Variants in IL1RAPL2 observed in about 807,000 individuals in gnomAD.
IL1RAPL2 encodes interleukin 1 receptor accessory protein like 2, also known as X-linked interleukin-1 receptor accessory protein-like 2.
A neutral mutation model predicts 44.1 loss-of-function variants in IL1RAPL2; 3 were observed. The observed-to-expected ratio is 0.07, with a 90% CI of 0.03 to 0.18. The LOEUF is 0.18. Among genes scored for constraint, IL1RAPL2 ranks in the 10% least tolerant of loss-of-function variants. The pLI is 1.00. For synonymous variants in IL1RAPL2, 181 were observed against 178.8 expected (o/e 1.01, Z -0.10); for missense variants, 391 against 496.4 (o/e 0.79, Z 2.02).
At chrX:105,158,713 C>T (rs1447014612) in intron 2 of IL1RAPL2, among the ~76,000 whole-genome samples, 1 of 111,611 alleles carries the variant, frequency 9.0e-6, no homozygotes, top group Non-Finnish European at 1.9e-5. Context: ...TAATAAAATA[C>T]GTAAAGTAGA....
At chrX:105,372,616 T>A (rs1437224173) in intron 5 of IL1RAPL2, among the ~76,000 whole-genome samples, 1 of 110,845 alleles carries the variant, frequency 9.0e-6, no homozygotes, top group Non-Finnish European at 1.9e-5. Flanking sequence ...TTTTTCCTGA[T>A]CCTTTCCATG....
chrX:105,323,839 G>A (rs2034914483), intron 5 of IL1RAPL2, among the ~76,000 whole-genome samples: 1 of 108,991 alleles, frequency 9.2e-6, no homozygotes, highest in Non-Finnish European at 1.9e-5. Context: ...TTGCACCACT[G>A]CACTCCAGTC....
At chrX:105,059,156 T>G (rs1206332912) in intron 2 of IL1RAPL2, among the ~76,000 whole-genome samples, 2 of 112,286 alleles carry the variant, frequency 1.8e-5, no homozygotes, top group Non-Finnish European at 3.8e-5. Flanking sequence ...TCAGTTATCT[T>G]AAGATGTAAA....
At chrX:104,906,718 T>C (rs915509054) in intron 2 of IL1RAPL2, among the ~76,000 whole-genome samples, 1 of 112,030 alleles carries the variant, frequency 8.9e-6, no homozygotes, top group African/African-American at 3.2e-5. Flanking sequence ...CAGTATGTTA[T>C]TGAAGATTTT....
chrX:104,913,751 C>T (rs1220486115), intron 2 of IL1RAPL2, among the ~76,000 whole-genome samples: 1 of 111,951 alleles, frequency 8.9e-6, no homozygotes. Context: ...GGAATTTATG[C>T]CTTTATATCA....
intron 6 of IL1RAPL2, among the ~76,000 whole-genome samples, chrX:105,645,584 GC>G (rs1054375387): frequency 6.3e-5 from 7 of 111,950 alleles, no homozygotes; most frequent in Non-Finnish European, 1.3e-4. Context: ...TTTGAGTTCT[GC>G]CATTTATTAG....
At chrX:105,284,878 T>C (rs1272112688) in intron 5 of IL1RAPL2, among the ~76,000 whole-genome samples, 1 of 111,442 alleles carries the variant, frequency 9.0e-6, no homozygotes, top group Admixed American at 9.6e-5. Flanking sequence ...TATCAAGAGA[T>C]AACGTTAGAT....
intron 2 of IL1RAPL2, among the ~76,000 whole-genome samples, chrX:105,052,355 C>T (rs1047550717): frequency 2.7e-5 from 3 of 111,864 alleles, no homozygotes; most frequent in African/African-American, 9.8e-5. Flanking sequence ...CACAACTAGC[C>T]GTAAAGAAAA....
chrX:105,197,667 T>C (rs1556142505), intron 3 of IL1RAPL2, among the ~76,000 whole-genome samples: 6 of 111,978 alleles, frequency 5.4e-5, no homozygotes, highest in African/African-American at 1.9e-4. Flanking sequence ...CCTCATTGTT[T>C]TATAAAATGA....
At chrX:104,922,591 C>T (rs780849403) in intron 2 of IL1RAPL2, among the ~76,000 whole-genome samples, 1 of 111,450 alleles carries the variant, frequency 9.0e-6, no homozygotes, top group East Asian at 2.8e-4. Flanking sequence ...CCTAAAAGCA[C>T]AAAGAAGCAA....
Position 104,627,299 on chromosome X carries a change from C to A in IL1RAPL2, c.-19-31596C>A, listed in dbSNP as rs756982320. On this transcript the variant is annotated intron_variant, in intron 1 of 10. Coordinates refer to ENST00000372582, the MANE Select transcript of IL1RAPL2 (RefSeq NM_017416.2). ...GAGAATGATGATTTCCACATGGACA[C>A]AGGAAGGGTAATATCACACTCCGGG... Among the ~76,000 whole-genome samples the A allele has an allele frequency of 3.5e-5, 3 of 85,282 alleles. No homozygotes were observed. In the East Asian group the frequency reaches 1.1e-3, roughly 32 times the overall value. 74.1% of individuals were successfully genotyped at this position (85,282 alleles called of 115,157 possible).
chrX:105,260,016 C>T (rs1021784284), intron 4 of IL1RAPL2, among the ~76,000 whole-genome samples: 9 of 112,393 alleles, frequency 8.0e-5, no homozygotes, highest in Non-Finnish European at 1.1e-4. Flanking sequence ...CCTCTCCCTC[C>T]GGGAGCTTCA....
intron 2 of IL1RAPL2, among the ~76,000 whole-genome samples, chrX:104,893,546 C>A (rs914349034): frequency 1.8e-5 from 2 of 111,506 alleles, no homozygotes; most frequent in Non-Finnish European, 3.8e-5. Flanking sequence ...ATGTAATGGT[C>A]TTCTTTGTCT....
At chrX:105,551,296 A>AC (rs1173238348) in intron 6 of IL1RAPL2, among the ~76,000 whole-genome samples, 15 of 109,729 alleles carry the variant, frequency 1.4e-4, no homozygotes, top group African/African-American at 5.0e-4. Context: ...CCAAAAAAAA[A>AC]AAAAACAACA....
intron 3 of IL1RAPL2, among the ~76,000 whole-genome samples, chrX:105,204,239 C>T (rs1366899267): frequency 9.0e-6 from 1 of 111,568 alleles, no homozygotes; most frequent in Non-Finnish European, 1.9e-5. Flanking sequence ...TGGCAACTGG[C>T]CCAATTCCAG....
intron 2 of IL1RAPL2, among the ~76,000 whole-genome samples, chrX:105,145,689 T>TG (rs960432185): frequency 6.3e-5 from 7 of 111,069 alleles, no homozygotes; most frequent in South Asian, 3.9e-4. Context: ...ATCATTTATT[T>TG]GGGGGGCCTA....
chrX:105,195,567 T>C lies in IL1RAPL2; in HGVS notation c.175T>C (p.Tyr59His). Residue 59 changes from tyrosine (Y) to histidine (H), a missense_variant, in exon 3 of 11, where the codon TAT becomes CAT. Physicochemically the swap from Tyr to His is moderately conservative, Grantham distance 83. This residue lies in a region of IL1RAPL2 where 159 missense variants were observed against 251.7 expected (regional missense o/e 0.63). Coordinates refer to ENST00000372582, the MANE Select transcript of IL1RAPL2 (RefSeq NM_017416.2). Reference sequence around the variant, plus strand: ...AGTGAAATGTGCCCTTTTCTACAGTTATATTCGTACCAACTATAGCACGGC... The same window carrying C: ...AGTGAAATGTGCCCTTTTCTACAGTCATATTCGTACCAACTATAGCACGGC... ...VRVKCALFYS[Y>H]IRTNYSTAQS... 8.3e-7 allele frequency: 1 copy of C among 1,211,830 alleles called. No individual in the cohort carries two copies.
At chrX:104,696,604 T>G (rs1227438574) in intron 2 of IL1RAPL2, among the ~76,000 whole-genome samples, 2 of 111,932 alleles carry the variant, frequency 1.8e-5, no homozygotes, top group African/African-American at 6.5e-5. Flanking sequence ...AAGTATGAAA[T>G]TTGGCAGGGT....
intron 8 of IL1RAPL2, among the ~76,000 whole-genome samples, chrX:105,742,587 C>G (rs1475870255): frequency 9.0e-6 from 1 of 111,498 alleles, no homozygotes; most frequent in Non-Finnish European, 1.9e-5. Flanking sequence ...GAAAACTGGT[C>G]TAAGTCATGT....
Sources: gnomAD v4.1 joint callset for allele counts (sites outside exome capture counted in the v4.1 genomes callset) on GRCh38, gnomAD v4.1.1 for gene constraint, gnomAD v4.1.1 regional missense constraint, MANE v1.5 for transcripts, NCBI Gene and HGNC (gene_info 2026-07-23, HGNC 2026-07-21) for gene names.